The following RHBDL2 variants were observed in gnomAD, a reference collection of about 807,000 sequenced individuals.
The protein encoded by RHBDL2 is rhomboid-related protein 2.
In RHBDL2, 26 loss-of-function variants were observed where a neutral mutation model predicts 31.7. The ratio of observed to expected loss-of-function variants is 0.82; its 90% CI spans 0.60 to 1.14. The LOEUF is 1.14. Among genes scored for constraint, RHBDL2 ranks in the 50% most tolerant of loss-of-function variants. The pLI is 0.00. For synonymous variants in RHBDL2, 123 were observed against 127.2 expected (o/e 0.97, Z 0.22); for missense variants, 336 against 364.4 (o/e 0.92, Z 0.63).
At chr1:38,919,992 C>A (rs1453085801) in intron 1 of RHBDL2, among the ~76,000 whole-genome samples, 1 of 152,114 alleles carries the variant, frequency 6.6e-6, no homozygotes. Context: ...CATACCCATA[C>A]CTGTTAAGCA....
At chr1:38,905,314 C>T (rs1170496136) in intron 4 of RHBDL2, among the ~76,000 whole-genome samples, 2 of 151,896 alleles carry the variant, frequency 1.3e-5, no homozygotes, top group African/African-American at 4.8e-5. Flanking sequence ...ATCCTCCTGC[C>T]TTGGCCTCCC....
intron 4 of RHBDL2, among the ~76,000 whole-genome samples, chr1:38,899,965 C>T (rs1346951207): frequency 6.6e-6 from 1 of 152,166 alleles, no homozygotes; most frequent in East Asian, 1.9e-4. Flanking sequence ...TCTCTAGGTC[C>T]TTTCCTGCAA....
Position 38,919,117 on chromosome 1 carries a change from C to G in RHBDL2, c.96G>C (p.Glu32Asp). 2 of 1,614,136 alleles carry G rather than the reference C, an allele frequency of 1.2e-6. No individual in the cohort carries two copies. Among genetic ancestry groups the G allele is most frequent in the East Asian group, 4.5e-5 (2 of 44,882 alleles). ...EELEEEEKMR[E>D]DGGGKDRAKS... ...TGGCCCGATCTTTACCTCCCCCATC[C>G]TCTCTCATTTTCTCCTCTTCCTCCA... The change falls in exon 2 of 8, where the codon GAG (glutamate) becomes GAC (aspartate). Residue 32 changes from glutamate to aspartate, a missense_variant. Physicochemically the swap from Glu to Asp is conservative, Grantham distance 45. Transcript: ENST00000372990.
intron 6 of RHBDL2, among the ~76,000 whole-genome samples, chr1:38,890,444 A>C (rs1642840347): frequency 6.6e-6 from 1 of 152,170 alleles, no homozygotes; most frequent in African/African-American, 2.4e-5. Flanking sequence ...AGTCTTCCAC[A>C]ATAGGAGACC....
At chr1:38,925,935 G>C (rs1643370024) in intron 1 of RHBDL2, 4 of 1,266,798 alleles carry the variant, frequency 3.2e-6, no homozygotes, top group Non-Finnish European at 4.1e-6. Flanking sequence ...TGGGCCTTTG[G>C]GAGTAACTAA....
rs146678889 is a variant in RHBDL2 at position 38,921,890 on chromosome 1, A to C, written c.-125-2553T>G. Reference sequence around the variant, plus strand: ...TTAAAGCATTTTAAAAATAAGTTCAATTAGGGACAGTTCACATTGTATAAA... The same window carrying C: ...TTAAAGCATTTTAAAAATAAGTTCACTTAGGGACAGTTCACATTGTATAAA... On this transcript the variant is annotated intron_variant, in intron 1 of 7. Transcript: ENST00000372990. Among the ~76,000 whole-genome samples, 250 of 152,338 alleles carry C rather than the reference A, an allele frequency of 1.6e-3. 1 individual carries two copies. The highest frequency in any genetic ancestry group is 5.8e-3 in the African/African-American group (240 of 41,580).
intron 7 of RHBDL2, among the ~76,000 whole-genome samples, chr1:38,887,096 C>CAG (rs1428452372): frequency 2.0e-5 from 3 of 152,158 alleles, no homozygotes; most frequent in African/African-American, 7.2e-5. Context: ...AAGAAATACC[C>CAG]AAACAGAAAC....
chr1:38,936,944 G>A (rs959751036), intron 1 of RHBDL2, among the ~76,000 whole-genome samples: 28 of 146,662 alleles, frequency 1.9e-4, no homozygotes, highest in Non-Finnish European at 2.5e-4. Context: ...GAGTATTCTC[G>A]AGTGTTCTTT....
At chr1:38,902,813 A>C (rs887268571) in intron 4 of RHBDL2, among the ~76,000 whole-genome samples, 2 of 152,114 alleles carry the variant, frequency 1.3e-5, no homozygotes, top group African/African-American at 4.8e-5. Context: ...CAACCTCCCA[A>C]AGTGCTGGGA....
Position 38,886,609 on chromosome 1 carries a change from A to T in RHBDL2, c.807T>A (p.Asp269Glu). ...ACCTTGGATCTTTCAGCAGTGCTTT[A>T]TCAAAGCAGCTAAACACCGTGTAGC... ...SIGYTVFSCF[D>E]KALLKDPRFW... Residue 269 changes from aspartate (D) to glutamate (E), a missense_variant, in exon 8 of 8, where the codon GAT becomes GAA. Transcript: ENST00000372990. 17 of 1,607,542 alleles carry T rather than the reference A, an allele frequency of 1.1e-5. No homozygotes were observed. The highest frequency in any genetic ancestry group is 1.4e-5 in the Non-Finnish European group (16 of 1,175,582).
chr1:38,920,652 G>C (rs1354148948), intron 1 of RHBDL2, among the ~76,000 whole-genome samples: 5 of 148,972 alleles, frequency 3.4e-5, no homozygotes, highest in Admixed American at 2.0e-4. Flanking sequence ...TGTCGCCCAG[G>C]CTGGAGAGCA....
intron 4 of RHBDL2, among the ~76,000 whole-genome samples, chr1:38,903,587 C>T (rs1215342144): frequency 1.3e-5 from 2 of 152,166 alleles, no homozygotes; most frequent in African/African-American, 4.8e-5. Context: ...CCTAAATACA[C>T]AGAAAGGTAT....
At chr1:38,934,441 G>C (rs1557625007) in intron 1 of RHBDL2, among the ~76,000 whole-genome samples, 1 of 151,858 alleles carries the variant, frequency 6.6e-6, no homozygotes, top group Non-Finnish European at 1.5e-5. Flanking sequence ...AAGATCGTGA[G>C]GTCAGGAGTT....
Position 38,919,060 on chromosome 1 carries a change from T to G in RHBDL2, c.153A>C (p.Lys51Asn). The change falls in exon 2 of 8, where the codon AAA becomes AAC. Residue 51 changes from lysine to asparagine, a missense_variant. Physicochemically the swap from Lys to Asn is moderately conservative, Grantham distance 94. Coordinates refer to ENST00000372990, the MANE Select transcript of RHBDL2 (RefSeq NM_017821.5). ...KSKKVHRIVS[K>N]WMLPEKSRGT... ...CTCGGGACTTTTCGGGCAGCATCCA[T>G]TTTGAGACAATCCTGTGGACCTTTT... is the stretch of plus-strand genomic sequence containing the variant. 1 of 1,614,134 alleles carries G rather than the reference T, an allele frequency of 6.2e-7. No individual in the cohort carries two copies. The highest frequency in any genetic ancestry group is 2.2e-5 in the East Asian group (1 of 44,884).
In RHBDL2 at chr1:38,921,449, T is replaced by C. The variant is rs139577703; in HGVS notation, c.-125-2112A>G. On this transcript the variant is annotated intron_variant, in intron 1 of 7. Transcript: ENST00000372990. Reference sequence around the variant, plus strand: ...TATAATTATTAGTTGTTATTGGCTGTGGATGGATGAATGAGTTTTAGATGG... The same window carrying C: ...TATAATTATTAGTTGTTATTGGCTGCGGATGGATGAATGAGTTTTAGATGG... 5.3e-5 allele frequency among the ~76,000 whole-genome samples: 8 copies of C among 152,272 alleles called. 1 individual carries two copies. In the East Asian group the frequency reaches 1.5e-3, roughly 29 times the overall value.
chr1:38,912,493 T>C (rs1643164065), intron 3 of RHBDL2, among the ~76,000 whole-genome samples: 1 of 151,692 alleles, frequency 6.6e-6, no homozygotes, highest in South Asian at 2.1e-4. Context: ...CATTTCCATC[T>C]CCTGGGCCTG....
At position 38,886,595 on chromosome 1, in the gene RHBDL2, T is replaced by C; in HGVS notation, c.821A>G (p.Lys274Arg). The C allele has an allele frequency of 6.2e-7, 1 of 1,609,278 alleles. No individual in the cohort carries two copies. The highest frequency in any genetic ancestry group is 8.5e-7 in the Non-Finnish European group (1 of 1,177,052). Residue 274 changes from lysine (K) to arginine (R), a missense_variant, in exon 8 of 8, where the codon AAA becomes AGA. Lys to Arg is a conservative substitution (Grantham distance 26). Coordinates refer to ENST00000372990, the MANE Select transcript of RHBDL2 (RefSeq NM_017821.5). ...VFSCFDKALLKDPRFWIAIAA... is the reference protein window; with the variant it reads ...VFSCFDKALLRDPRFWIAIAA... The stretch of plus-strand genomic sequence containing the variant: ...AATTGCTATCCAAAACCTTGGATCT[T>C]TCAGCAGTGCTTTATCAAAGCAGCT...
At chr1:38,918,641 A>C (rs1481986945) in intron 2 of RHBDL2, among the ~76,000 whole-genome samples, 1 of 152,184 alleles carries the variant, frequency 6.6e-6, no homozygotes, top group African/African-American at 2.4e-5. Flanking sequence ...TCATGAGAGA[A>C]AGCCCTTGTG....
At chr1:38,935,026 T>A (rs750194813) in intron 1 of RHBDL2, among the ~76,000 whole-genome samples, 3 of 152,148 alleles carry the variant, frequency 2.0e-5, no homozygotes, top group Non-Finnish European at 4.4e-5. Flanking sequence ...ATAACTACAA[T>A]TATTTTTTAC....
Sources: gnomAD v4.1 joint callset for allele counts (sites outside exome capture counted in the v4.1 genomes callset) on GRCh38, gnomAD v4.1.1 for gene constraint, MANE v1.5 for transcripts, NCBI Gene and HGNC (gene_info 2026-07-23, HGNC 2026-07-21) for gene names.